Variants in ZNF469 observed in about 807,000 individuals in gnomAD.
ZNF469 encodes the protein zinc finger protein 469.
A neutral mutation model predicts 1.0 loss-of-function variants in ZNF469; 1 was observed. That is an observed-to-expected ratio of 1.00 (90% CI 0.35 to 4.73). The LOEUF (loss-of-function observed/expected upper bound fraction) is 4.73. Ranked by LOEUF, ZNF469 falls within the 30% of genes most tolerant of loss-of-function variation. ZNF469 has a pLI of 0.16. For synonymous variants in ZNF469, 2,703 were observed against 2,363.4 expected, an observed-to-expected ratio of 1.14 and a Z score of -4.17; for missense variants, 6,100 against 5,356.3, an observed-to-expected ratio of 1.14 and a Z score of -4.33.
At chr16:88,223,083 A>G in the ZNF469 span, among the ~76,000 whole-genome samples, 1 of 152,250 alleles carries the variant, frequency 6.6e-6, no homozygotes, top group African/African-American at 2.4e-5. Flanking sequence ...AGAGGGAAGA[A>G]CTGGAAACAA....
the ZNF469 span, among the ~76,000 whole-genome samples, chr16:88,256,934 CTT>C: frequency 6.7e-5 from 1 of 14,846 alleles, no homozygotes; most frequent in African/African-American, 2.3e-4. Context: ...TTCTTTCTTT[CTT>C]TCTTTCTTTC....
rs1905929066 is a variant in ZNF469 at position 88,429,135 on chromosome 16, C to T, written c.1665C>T (p.Asp555=). Residue 555 remains aspartate, a synonymous_variant, in exon 3 of 3, where the codon GAC becomes GAT. Coordinates refer to ENST00000565624, the MANE Select transcript of ZNF469 (RefSeq NM_001367624.2). ...PALFTYNGMT[D]PGAQPLFFGV... ...TGTTCACCTACAACGGAATGACAGACCCTGGGGCTCAGCCCCTGTTCTTCG... is the reference window on the plus strand; with the variant it reads ...TGTTCACCTACAACGGAATGACAGATCCTGGGGCTCAGCCCCTGTTCTTCG... 1 of 1,549,992 alleles carries T rather than the reference C, an allele frequency of 6.5e-7. No individual in the cohort carries two copies. Among genetic ancestry groups the T allele is most frequent in the South Asian group, 1.2e-5 (1 of 84,068 alleles).
intron 1 of ZNF469, among the ~76,000 whole-genome samples, chr16:88,409,778 A>G (rs1301568189): frequency 1.3e-5 from 2 of 150,600 alleles, no homozygotes; most frequent in Admixed American, 6.7e-5. Flanking sequence ...CAGGGCATCC[A>G]GGCAGCTTGG....
chr16:88,292,926 G>A, the ZNF469 span, among the ~76,000 whole-genome samples: 1 of 151,980 alleles, frequency 6.6e-6, no homozygotes, highest in African/African-American at 2.4e-5. Flanking sequence ...TGAGGAGCAC[G>A]ATCCTGACAG....
At chr16:88,313,421 A>T in the ZNF469 span, among the ~76,000 whole-genome samples, 1 of 152,178 alleles carries the variant, frequency 6.6e-6, no homozygotes, top group African/African-American at 2.4e-5. Context: ...CCCTCCAAAA[A>T]ATGTTCAATC....
the ZNF469 span, among the ~76,000 whole-genome samples, chr16:88,330,480 G>A: frequency 3.3e-5 from 5 of 152,236 alleles, no homozygotes; most frequent in Admixed American, 1.3e-4. Flanking sequence ...CATATTCCCA[G>A]TGGTTCTCAT....
chr16:88,299,428 G>A, the ZNF469 span, among the ~76,000 whole-genome samples: 1 of 152,164 alleles, frequency 6.6e-6, no homozygotes, highest in Admixed American at 6.5e-5. Flanking sequence ...CCAGGTGCCG[G>A]CAGCACTGTT....
At chr16:88,182,717 T>G in the ZNF469 span, among the ~76,000 whole-genome samples, 1 of 151,424 alleles carries the variant, frequency 6.6e-6, no homozygotes, top group Non-Finnish European at 1.5e-5. Context: ...GAATCTCAAC[T>G]TATACCTTAC....
chr16:88,380,687 C>G (rs2092520096), upstream of ZNF469, among the ~76,000 whole-genome samples: 1 of 145,302 alleles, frequency 6.9e-6, no homozygotes, highest in Non-Finnish European at 1.5e-5. Flanking sequence ...CATGCATTCA[C>G]ACACATGCAC....
the ZNF469 span, among the ~76,000 whole-genome samples, chr16:88,157,835 C>T: frequency 6.6e-6 from 1 of 151,688 alleles, no homozygotes; most frequent in South Asian, 2.1e-4. Flanking sequence ...CTGCTGGGTG[C>T]CATGCCCGTA....
intron 1 of ZNF469, among the ~76,000 whole-genome samples, chr16:88,386,706 A>C (rs2092537454): frequency 6.6e-6 from 1 of 152,194 alleles, no homozygotes; most frequent in South Asian, 2.1e-4. Flanking sequence ...CCTGTCTCCA[A>C]GTGGCTTTAA....
chr16:88,144,052 G>A, the ZNF469 span, among the ~76,000 whole-genome samples: 28 of 152,212 alleles, frequency 1.8e-4, no homozygotes, highest in African/African-American at 6.0e-4. Context: ...GGCAGAACCC[G>A]CCTGCTGGGG....
Position 88,434,592 on chromosome 16 carries a change from C to T in ZNF469, c.7122C>T (p.Ser2374=). 6.5e-7 allele frequency: 1 copy of T among 1,550,336 alleles called. No individual in the cohort carries two copies. Among genetic ancestry groups the T allele is most frequent in the Non-Finnish European group, 8.7e-7 (1 of 1,146,934 alleles). The change falls in exon 3 of 3, where the codon AGC becomes AGT. Residue 2374 remains serine, a synonymous_variant. Transcript: ENST00000565624. ...ACLEGEMGTS[S]KEPEDPGTPE... is the part of the protein sequence containing the mutation. ...TGGAAGGTGAGATGGGGACCAGCAGCAAGGAGCCGGAGGACCCAGGGACCC... is the reference window on the plus strand; with the variant it reads ...TGGAAGGTGAGATGGGGACCAGCAGTAAGGAGCCGGAGGACCCAGGGACCC...
At chr16:88,348,052 G>A in the ZNF469 span, among the ~76,000 whole-genome samples, 5 of 152,368 alleles carry the variant, frequency 3.3e-5, no homozygotes, top group East Asian at 3.9e-4. Context: ...GAGCATGGTC[G>A]TGGTGGGCCA....
At chr16:88,193,225 G>A in the ZNF469 span, among the ~76,000 whole-genome samples, 1 of 125,080 alleles carries the variant, frequency 8.0e-6, no homozygotes, top group African/African-American at 3.0e-5. Context: ...GGTGATGGTG[G>A]TGGTGGGGAT....
At chr16:88,184,416 G>T in the ZNF469 span, among the ~76,000 whole-genome samples, 6 of 151,922 alleles carry the variant, frequency 3.9e-5, no homozygotes, top group Non-Finnish European at 7.4e-5. Context: ...CAATGAGAAG[G>T]CTATTTTAGC....
the ZNF469 span, among the ~76,000 whole-genome samples, chr16:88,266,678 G>C: frequency 6.6e-6 from 1 of 152,214 alleles, no homozygotes; most frequent in Admixed American, 6.5e-5. Flanking sequence ...GGAAAGTTCT[G>C]AGGACCTGGG....
the ZNF469 span, among the ~76,000 whole-genome samples, chr16:88,203,371 G>A: frequency 6.6e-6 from 1 of 152,174 alleles, no homozygotes; most frequent in East Asian, 1.9e-4. Flanking sequence ...TCCGCACACA[G>A]GTGCCCGGGG....
At chr16:88,259,390 C>T in the ZNF469 span, among the ~76,000 whole-genome samples, 5 of 152,322 alleles carry the variant, frequency 3.3e-5, no homozygotes, top group East Asian at 3.9e-4. The surrounding 1 kb of genome is among the most constrained non-coding windows in gnomAD (Gnocchi z 4.1). Flanking sequence ...ACAAAACCGC[C>T]GTTGTTTCCA....
Sources: gnomAD v4.1 joint callset for allele counts (sites outside exome capture counted in the v4.1 genomes callset) on GRCh38, gnomAD v4.1.1 for gene constraint, Gnocchi (gnomAD v3.1) non-coding constraint, MANE v1.5 for transcripts, NCBI Gene and HGNC (gene_info 2026-07-23, HGNC 2026-07-21) for gene names.